BTN3A3: variants seen among roughly 807,000 people sequenced by gnomAD.
BTN3A3 encodes butyrophilin 3.
A neutral mutation model predicts 43.2 loss-of-function variants in BTN3A3; 39 were observed. The observed-to-expected ratio is 0.90, with a 90% CI of 0.70 to 1.18. The LOEUF (loss-of-function observed/expected upper bound fraction) is 1.18. BTN3A3 is among the 50% of genes most tolerant of loss of function. The pLI is 0.00. For synonymous variants in BTN3A3, 255 were observed against 272.7 expected (o/e 0.93, Z 0.64); for missense variants, 631 against 722.8 (o/e 0.87, Z 1.46).
At chr6:26,445,004 C>T (rs914893500) in intron 4 of BTN3A3, 3 of 160,972 alleles carry the variant, frequency 1.9e-5, no homozygotes, top group Admixed American at 1.7e-4. Flanking sequence ...GAGACTAAAG[C>T]TGTAAATGAT....
Position 26,444,663 on chromosome 6 carries a change from A to G in BTN3A3, c.433+359A>G, listed in dbSNP as rs1375215484. 8 of 412,788 alleles carry G rather than the reference A, an allele frequency of 1.9e-5. No homozygotes were observed. In the East Asian group the frequency reaches 4.2e-4, roughly 22 times the overall value. 25.6% of individuals were successfully genotyped at this position (412,788 alleles called of 1,614,324 possible). A position where few individuals can be genotyped will look rare whatever the true frequency, so the allele number is the denominator to read the frequency against. ...TCTGTTGTGTCTCCAAGTGCACGTT[A>G]CCGTGGGTCCTGGGAGGTGGAATGG... On this transcript the variant is annotated intron_variant, in intron 4 of 10. Coordinates refer to ENST00000244519, the MANE Select transcript of BTN3A3 (RefSeq NM_006994.5).
Position 26,452,394 on chromosome 6 carries a change from A to C in BTN3A3, c.1738A>C (p.Thr580Pro), listed in dbSNP as rs148720535. The C allele has an allele frequency of 1.2e-6, 2 of 1,600,784 alleles. No homozygotes were observed. The highest frequency in any genetic ancestry group is 1.7e-6 in the Non-Finnish European group (2 of 1,178,536). The change falls in exon 11 of 11, where the codon ACT becomes CCT. Residue 580 changes from threonine to proline, a missense_variant. Thr to Pro is a conservative substitution (Grantham distance 38, BLOSUM62 -1). Transcript: ENST00000244519. ...TCAGAACCATAAGCTACAGGCACGCACTGAAGCACTTTACTGATATTCATT... is the reference window on the plus strand; with the variant it reads ...TCAGAACCATAAGCTACAGGCACGCCCTGAAGCACTTTACTGATATTCATT... The part of the protein sequence containing the change: ...TNQNHKLQAR[T>P]EALY
rs770873752 is a variant in BTN3A3 at position 26,452,740 on chromosome 6, T to C, written c.*329T>C. 9 of 254,010 alleles carry C rather than the reference T, an allele frequency of 3.5e-5. No individual in the cohort carries two copies. Among genetic ancestry groups the C allele is most frequent in the East Asian group, 1.8e-4 (2 of 10,906 alleles). 15.7% of individuals were successfully genotyped at this position (254,010 alleles called of 1,614,324 possible). ...ATAACTCATACAGTAATTTGTGCAG[T>C]TGGGAGATGTTCAGCCTTAGTCCCT... is the stretch of plus-strand genomic sequence containing the variant. On this transcript the variant is annotated 3_prime_UTR_variant, in exon 11 of 11. Transcript: ENST00000244519.
At chr6:26,441,166 G>A (rs1052962034) in intron 1 of BTN3A3, among the ~76,000 whole-genome samples, 4 of 152,112 alleles carry the variant, frequency 2.6e-5, no homozygotes, top group Admixed American at 6.5e-5. Flanking sequence ...CAAACAGTGC[G>A]TGGCTCTATC....
In BTN3A3 at chr6:26,443,938, T is replaced by C. The variant is rs778940714; in HGVS notation, c.86-19T>C. 78 of 1,613,740 alleles carry C rather than the reference T, an allele frequency of 4.8e-5. No homozygotes were observed. The highest frequency in any genetic ancestry group is 4.5e-5 in the Non-Finnish European group (53 of 1,179,814). On this transcript the variant is annotated intron_variant, in intron 3 of 10. Transcript: ENST00000244519. ...CAACTCCAAAACCCTCTGATGGAGC[T>C]TCCCCCTTGTGCTGACAGCTCAGTT... is the stretch of plus-strand genomic sequence containing the variant.
At chr6:26,447,748 C>T (rs1762818459) in intron 5 of BTN3A3, among the ~76,000 whole-genome samples, 1 of 152,132 alleles carries the variant, frequency 6.6e-6, no homozygotes, top group Non-Finnish European at 1.5e-5. Flanking sequence ...TAGGCCACTA[C>T]AAACAGAGAG....
Position 26,452,158 on chromosome 6 carries a change from T to A in BTN3A3, c.1502T>A (p.Ile501Asn). The A allele has an allele frequency of 6.2e-7, 1 of 1,614,156 alleles. No homozygotes were observed. Among genetic ancestry groups the A allele is most frequent in the Non-Finnish European group, 8.5e-7 (1 of 1,180,022 alleles). Reference sequence around the variant, plus strand: ...GAGCCTCTATATCCTGTTTTCAGAATTTTGACCTTGGAGCCCACTGCCCTG... The same window carrying A: ...GAGCCTCTATATCCTGTTTTCAGAAATTTGACCTTGGAGCCCACTGCCCTG... ...FSEPLYPVFR[I>N]LTLEPTALTI... The change falls in exon 11 of 11, where the codon ATT (isoleucine) becomes AAT (asparagine). Residue 501 changes from isoleucine to asparagine, a missense_variant. Ile to Asn is a moderately radical substitution (Grantham distance 149). Coordinates refer to ENST00000244519, the MANE Select transcript of BTN3A3 (RefSeq NM_006994.5).
At chr6:26,446,080 C>T (rs949370475) in intron 5 of BTN3A3, 95 bp downstream of exon 5, 1 of 1,556,362 alleles carries the variant, frequency 6.4e-7, no homozygotes, top group East Asian at 2.3e-5. Context: ...TCTCTGCGGT[C>T]AACCTGGGTC....
chr6:26,450,388 G>T (rs960290105), intron 10 of BTN3A3, among the ~76,000 whole-genome samples: 1 of 152,160 alleles, frequency 6.6e-6, no homozygotes, highest in South Asian at 2.1e-4. Flanking sequence ...AAAGGGTGGA[G>T]CTGAGGGGAA....
intron 8 of BTN3A3, chr6:26,449,443 A>T (rs1387180442): frequency 1.7e-6 from 1 of 596,978 alleles, no homozygotes; most frequent in Non-Finnish European, 3.0e-6. Context: ...ACTGGGAAGG[A>T]ACTCTCACAG....
At chr6:26,451,540 A>G (rs1294751149) in intron 10 of BTN3A3, 135 bp from the exon 11 acceptor site, 1 of 1,450,212 alleles carries the variant, frequency 6.9e-7, no homozygotes, top group African/African-American at 1.4e-5. Flanking sequence ...TTGATGAGAG[A>G]GTCATATTTA....
chr6:26,451,873 AG>A lies in BTN3A3; in HGVS notation c.1218del (p.Glu406AspfsTer20). On this transcript the variant is annotated frameshift_variant, in exon 11 of 11. Transcript: ENST00000244519. LOFTEE classifies it low-confidence loss of function (END_TRUNC). ...GAGGTGGAAGTGGGGGACAGAAAAG[AG>A]TGGCATATTGGGGTATGTAGTAAGA... is the stretch of plus-strand genomic sequence containing the variant. ...YWEVEVGDRK[E>X]WHIGVCSKNV... 1.2e-6 allele frequency: 2 copies of A among 1,614,182 alleles called. No individual in the cohort carries two copies.
At chr6:26,449,081 G>A (rs377272007) in intron 8 of BTN3A3, among the ~76,000 whole-genome samples, 13 of 152,248 alleles carry the variant, frequency 8.5e-5, no homozygotes, top group East Asian at 5.8e-4. Context: ...TGCATTTTCT[G>A]TGGCAGGAAA....
chr6:26,450,899 G>C (rs1226598890), intron 10 of BTN3A3, among the ~76,000 whole-genome samples: 2 of 152,176 alleles, frequency 1.3e-5, no homozygotes, highest in Non-Finnish European at 2.9e-5. Context: ...TGCTGGCAGG[G>C]AGGAAGCAGG....
intron 4 of BTN3A3, chr6:26,445,386 G>A (rs1003737453): frequency 1.6e-5 from 5 of 318,538 alleles, no homozygotes; most frequent in African/African-American, 1.0e-4. Flanking sequence ...ATTCCCTCAG[G>A]CTGGCTGCAT....
At chr6:26,442,763 G>A (rs1279474230) in intron 1 of BTN3A3, among the ~76,000 whole-genome samples, 1 of 152,192 alleles carries the variant, frequency 6.6e-6, no homozygotes, top group African/African-American at 2.4e-5. Context: ...TCAGAAAGTG[G>A]AATTGCTGGA....
rs777245190 is a variant in BTN3A3 at position 26,445,876 on chromosome 6, T to C, written c.606T>C (p.Tyr202=). ...TGGTTGCAGATGGAGTGGGCCTGTATGCAGTAGCAGCATCTGTGATCATGA... is the reference window on the plus strand; with the variant it reads ...TGGTTGCAGATGGAGTGGGCCTGTACGCAGTAGCAGCATCTGTGATCATGA... The part of the protein sequence containing the change: ...APVVADGVGL[Y]AVAASVIMRG... The change falls in exon 5 of 11, where the codon TAT becomes TAC. Residue 202 remains tyrosine, a synonymous_variant. Transcript: ENST00000244519. The C allele has an allele frequency of 6.2e-7, 1 of 1,614,196 alleles. No homozygotes were observed. Among genetic ancestry groups the C allele is most frequent in the Non-Finnish European group, 8.5e-7 (1 of 1,180,036 alleles).
In BTN3A3 at chr6:26,451,686, C is replaced by G. The variant is rs1762934424; in HGVS notation, c.1030C>G (p.Leu344Val). The G allele has an allele frequency of 6.2e-7, 1 of 1,611,624 alleles. No homozygotes were observed. Among genetic ancestry groups the G allele is most frequent in the Admixed American group, 1.7e-5 (1 of 59,896 alleles). The change falls in exon 11 of 11, where the codon CTG becomes GTG. Residue 344 changes from leucine (L) to valine (V), a missense_variant. Leu to Val is a conservative substitution (Grantham distance 32). Transcript: ENST00000244519. ...CAAACTCTCTGCAGCGGATGTGATTCTGGATCCAGACACGGCAAACGCCAT... is the reference window on the plus strand; with the variant it reads ...CAAACTCTCTGCAGCGGATGTGATTGTGGATCCAGACACGGCAAACGCCAT... ...MALFKPADVI[L>V]DPDTANAILL...
Position 26,452,977 on chromosome 6 carries a change from G to A in BTN3A3, c.*566G>A, listed in dbSNP as rs1037251853. On this transcript the variant is annotated 3_prime_UTR_variant, in exon 11 of 11. Coordinates refer to ENST00000244519, the MANE Select transcript of BTN3A3 (RefSeq NM_006994.5). ...GCTCTGCAGAGTGTCTTGGTTGAGA[G>A]AATAACCTCATAGTACCAACATGAC... is the stretch of plus-strand genomic sequence containing the variant. The A allele has an allele frequency of 6.5e-6, 1 of 154,096 alleles. No individual in the cohort carries two copies. The highest frequency in any genetic ancestry group is 2.4e-5 in the African/African-American group (1 of 41,444). The allele number at this position is 154,096 out of a possible 1,614,324, so 9.5% of individuals were successfully genotyped here.
Sources: gnomAD v4.1 joint callset for allele counts (sites outside exome capture counted in the v4.1 genomes callset) on GRCh38, gnomAD v4.1.1 for gene constraint, MANE v1.5 for transcripts, NCBI Gene and HGNC (gene_info 2026-07-23, HGNC 2026-07-21) for gene names.